SHROOM3: variants seen among roughly 807,000 people sequenced by gnomAD.
SHROOM3 encodes the protein shroom family member 3.
Under a neutral mutation model 138.6 loss-of-function variants are expected in SHROOM3, and 47 were observed. That is an observed-to-expected ratio of 0.34 (90% confidence interval 0.27 to 0.43). The LOEUF (loss-of-function observed/expected upper bound fraction) is 0.43. Ranked by LOEUF, SHROOM3 falls within the 20% of genes least tolerant of loss-of-function variation. The probability of loss-of-function intolerance (pLI) is 1.00; values close to 1 mark genes in which losing one functional copy is unlikely to be tolerated. For synonymous variants in SHROOM3, 1,062 were observed against 1,063.3 expected (o/e 1.00, Z 0.02); for missense variants, 2,491 against 2,596.5 (o/e 0.96, Z 0.88).
chr4:76,616,105 A>C (rs1734869354), intron 2 of SHROOM3, among the ~76,000 whole-genome samples: 1 of 152,256 alleles, frequency 6.6e-6, no homozygotes, highest in Admixed American at 6.5e-5. Context: ...GATTCTTTGA[A>C]AATAAAAAAG....
intron 2 of SHROOM3, among the ~76,000 whole-genome samples, chr4:76,650,834 C>T (rs981933494): frequency 3.9e-5 from 6 of 152,100 alleles, no homozygotes; most frequent in Non-Finnish European, 5.9e-5. Context: ...TGAGCCACTG[C>T]GCTGGCCTCA....
At chr4:76,766,371 C>G (rs958413000) in intron 9 of SHROOM3, among the ~76,000 whole-genome samples, 14 of 152,176 alleles carry the variant, frequency 9.2e-5, no homozygotes, top group Admixed American at 4.6e-4. Flanking sequence ...GCCTCCTTGT[C>G]CAGTGTTCAT....
intron 1 of SHROOM3, among the ~76,000 whole-genome samples, chr4:76,538,011 A>G (rs1579221403): frequency 1.3e-5 from 2 of 152,176 alleles, no homozygotes; most frequent in African/African-American, 4.8e-5. Context: ...AGATTCAAGC[A>G]ATTTTCCTGC....
At chr4:76,445,395 C>T (rs936674612) in intron 1 of SHROOM3, among the ~76,000 whole-genome samples, 1 of 151,990 alleles carries the variant, frequency 6.6e-6, no homozygotes, top group Non-Finnish European at 1.5e-5. Flanking sequence ...AAAAAAATAC[C>T]CAATACGATA....
At chr4:76,594,912 A>T (rs761925094) in intron 2 of SHROOM3, among the ~76,000 whole-genome samples, 37 of 152,226 alleles carry the variant, frequency 2.4e-4, no homozygotes, top group Non-Finnish European at 4.6e-4. Flanking sequence ...ATAAAAAGAG[A>T]TGAAGATATC....
chr4:76,644,491 T>G (rs1374702495), intron 2 of SHROOM3: 2 of 152,050 alleles, frequency 1.3e-5, no homozygotes, highest in Admixed American at 6.5e-5. Flanking sequence ...CCTCAGGTGA[T>G]CCGCCCACCT....
intron 1 of SHROOM3, among the ~76,000 whole-genome samples, chr4:76,507,241 TAATA>T (rs1410881615): frequency 1.3e-5 from 2 of 152,158 alleles, no homozygotes; most frequent in Non-Finnish European, 2.9e-5. Context: ...CTAAACAATT[TAATA>T]AATAAATCCA....
rs190669278 is a variant in SHROOM3, at chr4:76,551,947, T to C, written c.169-3662T>C. Among the ~76,000 whole-genome samples the C allele has an allele frequency of 4.0e-3, 597 of 150,774 alleles. 5 individuals are homozygous for C. Among genetic ancestry groups the C allele is most frequent in the Non-Finnish European group, 5.6e-3 (380 of 67,704 alleles). On this transcript the variant is annotated intron_variant, in intron 1 of 10. Transcript: ENST00000296043. ...TGCGATCTCGGCTCACTGCAAGCTC[T>C]GCCTCCTGGGTTCACGCCATTCTCC...
chr4:76,736,183 G>A (rs1187791199), intron 4 of SHROOM3, among the ~76,000 whole-genome samples: 3 of 151,960 alleles, frequency 2.0e-5, no homozygotes, highest in South Asian at 2.1e-4. Flanking sequence ...GCTGTCTAGC[G>A]CTTCTTTAGT....
chr4:76,524,993 G>T (rs1212296569), intron 1 of SHROOM3, among the ~76,000 whole-genome samples: 1 of 152,150 alleles, frequency 6.6e-6, no homozygotes, highest in African/African-American at 2.4e-5. Flanking sequence ...CATATGTTTT[G>T]AAAGAAACTA....
intron 1 of SHROOM3, among the ~76,000 whole-genome samples, chr4:76,449,316 A>G (rs780560149): frequency 2.6e-5 from 4 of 152,176 alleles, no homozygotes; most frequent in Non-Finnish European, 5.9e-5. Flanking sequence ...TTATACTACA[A>G]CATAGACTAA....
chr4:76,653,465 CA>C (rs1179669477), intron 2 of SHROOM3, among the ~76,000 whole-genome samples: 3 of 151,742 alleles, frequency 2.0e-5, no homozygotes, highest in Admixed American at 2.0e-4. Context: ...GGTTGAGAAC[CA>C]GCATTCTAGA....
At chr4:76,602,483 T>C (rs570173225) in intron 2 of SHROOM3, among the ~76,000 whole-genome samples, 105 of 152,320 alleles carry the variant, frequency 6.9e-4, no homozygotes, top group African/African-American at 2.5e-3. Flanking sequence ...TCTTGATTTT[T>C]TTTTTCGTTA....
rs1236914642 is a variant in SHROOM3 at position 76,770,895 on chromosome 4, A to T, written c.5619A>T (p.Glu1873Asp). The T allele has an allele frequency of 6.2e-7, 1 of 1,614,206 alleles. No individual in the cohort carries two copies. The highest frequency in any genetic ancestry group is 8.5e-7 in the Non-Finnish European group (1 of 1,180,020). Residue 1873 changes from glutamate (E) to aspartate (D), a missense_variant, in exon 10 of 11, where the codon GAA (glutamate) becomes GAT (aspartate). By Grantham distance (45) the Glu-to-Asp change is conservative. Coordinates refer to ENST00000296043, the MANE Select transcript of SHROOM3 (RefSeq NM_020859.4). ...SGLGEDASNEERSSLYEKRKI... is the reference protein window; with the variant it reads ...SGLGEDASNEDRSSLYEKRKI... ...TTGGTGAAGATGCCAGTAATGAAGA[A>T]AGGGTAGGTGGCCTAGTGATGCAGT...
intron 1 of SHROOM3, among the ~76,000 whole-genome samples, chr4:76,442,711 A>G (rs1730720896): frequency 6.6e-6 from 1 of 151,252 alleles, no homozygotes; most frequent in South Asian, 2.1e-4. Context: ...GCCCGGCCCC[A>G]CCCTTTATAC....
chr4:76,603,838 C>CTTTT (rs993165829), intron 2 of SHROOM3, among the ~76,000 whole-genome samples: 25 of 97,264 alleles, frequency 2.6e-4, no homozygotes, highest in African/African-American at 6.1e-4. Context: ...ATCTTGTATT[C>CTTTT]TTTTTTTTTT....
intron 2 of SHROOM3, among the ~76,000 whole-genome samples, chr4:76,625,736 A>G (rs1281975781): frequency 6.6e-6 from 1 of 152,146 alleles, no homozygotes; most frequent in African/African-American, 2.4e-5. Flanking sequence ...TAGAAGGCTT[A>G]TCCTCCCCTC....
chr4:76,655,731 A>G (rs1736052478), intron 2 of SHROOM3, among the ~76,000 whole-genome samples: 1 of 152,200 alleles, frequency 6.6e-6, no homozygotes, highest in South Asian at 2.1e-4. Context: ...CAGCAGTGAC[A>G]GGTCTCATCG....
In SHROOM3 at chr4:76,781,606, T is replaced by C. The variant is rs1722738740; in HGVS notation, c.*2429T>C. The C allele has an allele frequency of 6.6e-6, 1 of 152,238 alleles. No homozygotes were observed. Among genetic ancestry groups the C allele is most frequent in the Admixed American group, 6.5e-5 (1 of 15,280 alleles). The allele number at this position is 152,238 out of a possible 1,614,324, so 9.4% of individuals were successfully genotyped here. ...ATGGGTAAGGCACCAAGTGAGACTT[T>C]GAAATCTAATTTTTAGGTGGATGTG... On this transcript the variant is annotated 3_prime_UTR_variant, in exon 11 of 11. Transcript: ENST00000296043.
Sources: allele counts gnomAD v4.1 joint callset (sites outside exome capture counted in the v4.1 genomes callset), GRCh38; gene constraint gnomAD v4.1.1; transcripts MANE v1.5; gene names NCBI Gene and HGNC (gene_info 2026-07-23, HGNC 2026-07-21).